The following RNF213 variants were observed in gnomAD, a reference collection of about 807,000 sequenced individuals.
RNF213 encodes ring finger protein 213, also known as E3 ubiquitin-protein ligase RNF213.
Under a neutral mutation model 514.4 loss-of-function variants are expected in RNF213, and 341 were observed. The ratio of observed to expected loss-of-function variants is 0.66; its 90% confidence interval spans 0.61 to 0.73. RNF213 has a LOEUF of 0.73. RNF213 is among the 30% of genes least tolerant of loss of function. The probability of loss-of-function intolerance (pLI) is 0.00; values close to 1 mark genes in which losing one functional copy is unlikely to be tolerated. For synonymous variants in RNF213, 2,655 were observed against 2,658.2 expected (o/e 1.00, Z 0.04); for missense variants, 5,767 against 6,615.6 (o/e 0.87, Z 4.45).
chr17:80,343,901 A>G lies in RNF213; in HGVS notation c.6228A>G (p.Leu2076=), dbSNP rs749304335. The G allele has an allele frequency of 4.3e-6, 7 of 1,614,058 alleles. No individual in the cohort carries two copies. In the South Asian group the frequency reaches 6.6e-5, roughly 15 times the overall value. ...TGTTTCTTTTCAAGCTCCTCATTTTACAATACTTAATGGATATAAATGGGA... is the reference window on the plus strand; with the variant it reads ...TGTTTCTTTTCAAGCTCCTCATTTTGCAATACTTAATGGATATAAATGGGA... ...IWVFLFKLLI[L]QYLMDINGKM... The change falls in exon 28 of 68, where the codon TTA becomes TTG. Residue 2076 remains leucine, a synonymous_variant. Coordinates refer to ENST00000582970, the MANE Select transcript of RNF213 (RefSeq NM_001256071.3). The surrounding 1 kb of genome is among the most constrained non-coding windows in gnomAD (Gnocchi z 4.3).
intron 3 of RNF213, among the ~76,000 whole-genome samples, chr17:80,284,200 A>G (rs1342160091): frequency 3.4e-5 from 5 of 148,040 alleles, no homozygotes; most frequent in Non-Finnish European, 7.4e-5. Flanking sequence ...GTACAAAAAT[A>G]CAAAAAAAAA....
At position 80,273,420 on chromosome 17, in the gene RNF213, C is replaced by T. The variant is rs754856012; in HGVS notation, c.261+16C>T. On this transcript the variant is annotated intron_variant, in intron 3 of 67. Coordinates refer to ENST00000582970, the MANE Select transcript of RNF213 (RefSeq NM_001256071.3). ...CGTCCAAGAAGTGAGTGCACTGCCT[C>T]GGCTCCCCTCCGCCCCCGCTCACTC... is the stretch of plus-strand genomic sequence containing the variant. 17 of 1,611,130 alleles carry T rather than the reference C, an allele frequency of 1.1e-5. No individual in the cohort carries two copies. The East Asian group carries it at 2.5e-4, about 23-fold the overall frequency.
At chr17:80,265,147 A>G (rs2043571620) in intron 2 of RNF213, among the ~76,000 whole-genome samples, 1 of 151,540 alleles carries the variant, frequency 6.6e-6, no homozygotes, top group Non-Finnish European at 1.5e-5. Context: ...CCCGGGTTCA[A>G]GTGATTCTTC....
Position 80,379,480 on chromosome 17 carries a change from A to AC in RNF213, c.13546-137dup, listed in dbSNP as rs2144582154. 17 of 829,128 alleles carry AC rather than the reference A, an allele frequency of 2.1e-5. No individual in the cohort carries two copies. In the South Asian group the frequency reaches 2.2e-4, roughly 11 times the overall value. The allele number at this position is 829,128 out of a possible 1,614,324, so 51.4% of individuals were successfully genotyped here. A position where few individuals can be genotyped will look rare whatever the true frequency, so the allele number is the denominator to read the frequency against. On this transcript the variant is annotated intron_variant, in intron 54 of 67. Transcript: ENST00000582970. Reference sequence around the variant, plus strand: ...CCCTGTTCCCATGGGTTCTCCACCCACCCGAAACAAGCACACACTGGGACA... The same window carrying AC: ...CCCTGTTCCCATGGGTTCTCCACCCACCCCGAAACAAGCACACACTGGGACA...
At chr17:80,293,029 G>A (rs1477572982) in intron 8 of RNF213, among the ~76,000 whole-genome samples, 2 of 152,048 alleles carry the variant, frequency 1.3e-5, no homozygotes, top group Non-Finnish European at 2.9e-5. Flanking sequence ...ACTTTATAGA[G>A]TATATATTTT....
chr17:80,345,488 C>T lies in RNF213; in HGVS notation c.7153C>T (p.Gln2385Ter), dbSNP rs771584949. 6.2e-6 allele frequency: 10 copies of T among 1,610,296 alleles called. No homozygotes were observed. Among genetic ancestry groups the T allele is most frequent in the East Asian group, 2.2e-5 (1 of 44,812 alleles). ...ERLCLTLGIP[Q>*]ATDPDKTYEL... is the part of the protein sequence containing the mutation. Reference sequence around the variant, plus strand: ...GCTCTGCCTGACCTTAGGGATCCCCCAGGCCACCGACCCCGACAAAACGTA... The same window carrying T: ...GCTCTGCCTGACCTTAGGGATCCCCTAGGCCACCGACCCCGACAAAACGTA... The change falls in exon 29 of 68, where the codon CAG (glutamine) becomes TAG (stop). Residue 2385 changes from glutamine (Q) to a stop codon, truncating the protein, a stop_gained. Coordinates refer to ENST00000582970, the MANE Select transcript of RNF213 (RefSeq NM_001256071.3). LOFTEE classifies it low-confidence loss of function (ANC_ALLELE). This position sits in a 1 kb window ranked among gnomAD's most constrained non-coding sequence, Gnocchi z 6.0.
intron 11 of RNF213, among the ~76,000 whole-genome samples, 177 bp from the exon 12 acceptor site, chr17:80,306,075 C>T (rs893485812): frequency 6.6e-6 from 1 of 151,974 alleles, no homozygotes; most frequent in Non-Finnish European, 1.5e-5. Context: ...AGTGATCCTC[C>T]CGAGTCAGCC....
chr17:80,303,429 G>T (rs979936183), intron 11 of RNF213, among the ~76,000 whole-genome samples: 1 of 152,138 alleles, frequency 6.6e-6, no homozygotes, highest in Non-Finnish European at 1.5e-5. Context: ...AAAGACTGGG[G>T]ACAGCAGAAA....
chr17:80,387,070 T>C (rs2080267057), intron 63 of RNF213, among the ~76,000 whole-genome samples, 179 bp downstream of exon 63: 1 of 152,296 alleles, frequency 6.6e-6, no homozygotes, highest in East Asian at 1.9e-4. Flanking sequence ...GCCGCAGGGC[T>C]CTCCTGAGCC....
intron 22 of RNF213, 96 bp downstream of exon 22, chr17:80,334,366 T>C (rs1308307243): frequency 7.5e-7 from 1 of 1,341,284 alleles, no homozygotes; most frequent in African/African-American, 1.5e-5. Flanking sequence ...TACCTCCCCT[T>C]GGCCAAGGAC....
At chr17:80,306,550 A>AT (rs1472107667) in intron 12 of RNF213, 82 bp downstream of exon 12, 10 of 1,411,214 alleles carry the variant, frequency 7.1e-6, no homozygotes, top group East Asian at 4.7e-5. Context: ...CAGGATTCTT[A>AT]TTCCTAAAAA....
At position 80,309,872 on chromosome 17, in the gene RNF213, C is replaced by A. The variant is rs909057712; in HGVS notation, c.2655+701C>A. ...CTGGGTTCACGCCATTCTCCTGTCT[C>A]AACCTCCCAAGTAGCTGGGACTACA... On this transcript the variant is annotated intron_variant, in intron 14 of 67. Transcript: ENST00000582970. 9.9e-5 allele frequency among the ~76,000 whole-genome samples: 15 copies of A among 152,188 alleles called. No homozygotes were observed. The South Asian group carries it at 1.9e-3, about 19-fold the overall frequency.
intron 62 of RNF213, 100 bp from the exon 63 acceptor site, chr17:80,386,590 C>G: frequency 6.8e-7 from 1 of 1,470,472 alleles, no homozygotes; most frequent in Non-Finnish European, 9.5e-7. Context: ...GGGTTTTCCA[C>G]TGCTCCAACT....
Position 80,348,291 on chromosome 17 carries a change from T to G in RNF213, c.9951+5T>G, listed in dbSNP as rs769942624. The G allele has an allele frequency of 6.2e-7, 1 of 1,610,816 alleles. No individual in the cohort carries two copies. The highest frequency in any genetic ancestry group is 1.7e-5 in the Admixed American group (1 of 60,020). On this transcript the variant is annotated splice_donor_5th_base_variant and intron_variant, in intron 29 of 67. Coordinates refer to ENST00000582970, the MANE Select transcript of RNF213 (RefSeq NM_001256071.3). ...CGCCACGCCATCTTCACAGAGGTGA[T>G]TGTCTTTCTGCACTTGTACCCTATC...
At position 80,336,249 on chromosome 17, in the gene RNF213, T is replaced by C; in HGVS notation, c.4398T>C (p.His1466=). 3 of 1,537,264 alleles carry C rather than the reference T, an allele frequency of 2.0e-6. No homozygotes were observed. The highest frequency in any genetic ancestry group is 2.6e-6 in the Non-Finnish European group (3 of 1,146,920). The change falls in exon 23 of 68, where the codon CAT becomes CAC. Residue 1466 remains histidine, a synonymous_variant. Coordinates refer to ENST00000582970, the MANE Select transcript of RNF213 (RefSeq NM_001256071.3). ...ATGTGGACCGGGTGGCCTGCTTCCATGACGCTGTGCAGGGCTACGCATCCC... is the reference window on the plus strand; with the variant it reads ...ATGTGGACCGGGTGGCCTGCTTCCACGACGCTGTGCAGGGCTACGCATCCC... The part of the protein sequence containing the change: ...DIDVDRVACF[H]DAVQGYASLL...
intron 11 of RNF213, among the ~76,000 whole-genome samples, chr17:80,301,686 A>T (rs529391311): frequency 2.6e-5 from 4 of 152,246 alleles, no homozygotes; most frequent in Non-Finnish European, 5.9e-5. Flanking sequence ...CATACAGTGT[A>T]GGAATGTAAA....
In RNF213 at chr17:80,345,056, G is replaced by A. The variant is rs1327035686; in HGVS notation, c.6721G>A (p.Gly2241Ser). 3.1e-6 allele frequency: 5 copies of A among 1,613,900 alleles called. No individual in the cohort carries two copies. In the South Asian group the frequency reaches 4.4e-5, roughly 14 times the overall value. Reference protein sequence around the residue: ...ASLFCNPSFIGDTLRGFKKFV... With the variant: ...ASLFCNPSFISDTLRGFKKFV... ...TCTCTTCTGCAATCCGAGTTTTATT[G>A]GCGACACACTGAGGGGCTTCAAGAA... Residue 2241 changes from glycine (G) to serine (S), a missense_variant, in exon 29 of 68, where the codon GGC becomes AGC. Physicochemically the swap from Gly to Ser is moderately conservative, Grantham distance 56. Transcript: ENST00000582970. This position sits in a 1 kb window ranked among gnomAD's most constrained non-coding sequence, Gnocchi z 6.0.
rs1292413757 is a variant in RNF213, at chr17:80,360,169, G to A, written c.11163G>A (p.Glu3721=). The change falls in exon 38 of 68, where the codon GAG becomes GAA. Residue 3721 remains glutamate, a synonymous_variant. Transcript: ENST00000582970. The stretch of plus-strand genomic sequence containing the variant: ...GGAAAATCAAGGACTATCTGGAGGA[G>A]CTGTGGGTCCAGGCTCAGTACATCA... The part of the protein sequence containing the change: ...FSWKIKDYLE[E]LWVQAQYITD... 4 of 1,613,878 alleles carry A rather than the reference G, an allele frequency of 2.5e-6. No homozygotes were observed. In the East Asian group the frequency reaches 8.9e-5, roughly 36 times the overall value.
chr17:80,346,468 T>A lies in RNF213; in HGVS notation c.8133T>A (p.Phe2711Leu). Reference sequence around the variant, plus strand: ...ATCGGAAAGCCATCGCCAGGTTCTTTCCGAAACCGTATGACGACAGCAGGC... The same window carrying A: ...ATCGGAAAGCCATCGCCAGGTTCTTACCGAAACCGTATGACGACAGCAGGC... ...DSYRKAIARF[F>L]PKPYDDSRLL... The change falls in exon 29 of 68, where the codon TTT (phenylalanine) becomes TTA (leucine). Residue 2711 changes from phenylalanine (F) to leucine (L), a missense_variant. By Grantham distance (22) the Phe-to-Leu change is conservative. This residue lies in a region of RNF213 where 1,377 missense variants were observed against 1,635.2 expected (regional missense o/e 0.84). Transcript: ENST00000582970. This position sits in a 1 kb window ranked among gnomAD's most constrained non-coding sequence, Gnocchi z 8.1. 1 of 1,613,858 alleles carries A rather than the reference T, an allele frequency of 6.2e-7. No individual in the cohort carries two copies. Among genetic ancestry groups the A allele is most frequent in the Middle Eastern group, 1.6e-4 (1 of 6,062 alleles).
Sources: gnomAD v4.1 joint callset for allele counts (sites outside exome capture counted in the v4.1 genomes callset) on GRCh38, gnomAD v4.1.1 for gene constraint, gnomAD v4.1.1 regional missense constraint, Gnocchi (gnomAD v3.1) non-coding constraint, MANE v1.5 for transcripts, NCBI Gene and HGNC (gene_info 2026-07-23, HGNC 2026-07-21) for gene names.